Variants in ANO2 observed in about 807,000 individuals in gnomAD.
ANO2 encodes the protein anoctamin-2.
A neutral mutation model predicts 124.2 loss-of-function variants in ANO2; 101 were observed. The observed-to-expected ratio is 0.81, with a 90% CI of 0.69 to 0.96. The LOEUF (loss-of-function observed/expected upper bound fraction) is 0.96. Among genes scored for constraint, ANO2 ranks in the 40% least tolerant of loss-of-function variants. The pLI, the probability that ANO2 is intolerant of heterozygous loss-of-function variation, is 0.00. For missense variants in ANO2, 1,293 were observed against 1,274.5 expected, an observed-to-expected ratio of 1.01 and a Z score of -0.22; for synonymous variants, 486 against 482.5, an observed-to-expected ratio of 1.01 and a Z score of -0.09.
At chr12:5,804,897 G>A (rs1953144480) in intron 9 of ANO2, among the ~76,000 whole-genome samples, 1 of 152,008 alleles carries the variant, frequency 6.6e-6, no homozygotes, top group South Asian at 2.1e-4. Flanking sequence ...GGCAATGGAT[G>A]GTGATCACCA....
chr12:5,666,090 T>C (rs1947701052), intron 14 of ANO2, among the ~76,000 whole-genome samples: 1 of 152,126 alleles, frequency 6.6e-6, no homozygotes, highest in Non-Finnish European at 1.5e-5. Flanking sequence ...CCCTCTGGAA[T>C]CCTGGACATG....
At chr12:5,887,534 G>A (rs773580138) in intron 3 of ANO2, among the ~76,000 whole-genome samples, 40 of 152,156 alleles carry the variant, frequency 2.6e-4, no homozygotes, top group Non-Finnish European at 4.1e-4. Flanking sequence ...GCTAGCCCTG[G>A]GAGGCTCAAC....
intron 14 of ANO2, among the ~76,000 whole-genome samples, chr12:5,701,285 C>T (rs369735431): frequency 4.6e-5 from 7 of 151,990 alleles, no homozygotes; most frequent in African/African-American, 1.7e-4. Context: ...GCTATTTGTC[C>T]AGGATATCAC....
intron 14 of ANO2, among the ~76,000 whole-genome samples, chr12:5,697,817 C>T (rs185516940): frequency 6.6e-6 from 1 of 152,228 alleles, no homozygotes; most frequent in African/African-American, 2.4e-5. Flanking sequence ...TATCCCGCAC[C>T]TGGCTCGGAG....
At chr12:5,789,657 A>G (rs1040531304) in intron 10 of ANO2, among the ~76,000 whole-genome samples, 7 of 152,228 alleles carry the variant, frequency 4.6e-5, no homozygotes, top group African/African-American at 1.7e-4. Context: ...ACTAGAAGAC[A>G]GCAGTCTCCC....
At chr12:5,673,919 G>C (rs1448076376) in intron 14 of ANO2, among the ~76,000 whole-genome samples, 1 of 152,180 alleles carries the variant, frequency 6.6e-6, no homozygotes, top group African/African-American at 2.4e-5. Flanking sequence ...GAGGTCAAGA[G>C]ACAGGGCAAG....
At chr12:5,656,254 T>G (rs1947148562) in intron 14 of ANO2, among the ~76,000 whole-genome samples, 1 of 152,214 alleles carries the variant, frequency 6.6e-6, no homozygotes, top group Admixed American at 6.5e-5. Context: ...CCCAGATCTC[T>G]CTGTTAAGCT....
chr12:5,771,107 A>G (rs1339057853), intron 10 of ANO2, among the ~76,000 whole-genome samples: 1 of 152,202 alleles, frequency 6.6e-6, no homozygotes, highest in Non-Finnish European at 1.5e-5. Flanking sequence ...GAGAGCAGAG[A>G]CTTGTTCTGC....
chr12:5,857,809 GAT>G (rs1955151060), intron 3 of ANO2, among the ~76,000 whole-genome samples: 1 of 150,456 alleles, frequency 6.6e-6, no homozygotes, highest in African/African-American at 2.5e-5. Context: ...TAGATAGATA[GAT>G]AGATAGATGC....
At chr12:5,718,105 T>C (rs900992173) in intron 14 of ANO2, among the ~76,000 whole-genome samples, 2 of 152,198 alleles carry the variant, frequency 1.3e-5, no homozygotes, top group Non-Finnish European at 1.5e-5. Context: ...ATGGAATAAA[T>C]AAAAAGCCAA....
chr12:5,867,576 A>C (rs796833654), intron 3 of ANO2, among the ~76,000 whole-genome samples: 4 of 152,260 alleles, frequency 2.6e-5, no homozygotes, highest in African/African-American at 9.6e-5. Flanking sequence ...CATCTGTCCG[A>C]CCTGACATAG....
chr12:5,888,178 G>A (rs1366215196), intron 3 of ANO2, among the ~76,000 whole-genome samples: 1 of 152,090 alleles, frequency 6.6e-6, no homozygotes, highest in African/African-American at 2.4e-5. Flanking sequence ...GAGTGAAGCT[G>A]CAGACCTTCG....
chr12:5,884,256 T>C (rs1027320493), intron 3 of ANO2, among the ~76,000 whole-genome samples: 1 of 152,210 alleles, frequency 6.6e-6, no homozygotes, highest in Admixed American at 6.5e-5. Flanking sequence ...GAGAAGAGGA[T>C]GAAATTACTA....
chr12:5,838,366 G>A (rs1254820755), intron 4 of ANO2, among the ~76,000 whole-genome samples: 2 of 152,170 alleles, frequency 1.3e-5, no homozygotes, highest in Non-Finnish European at 2.9e-5. Context: ...GCATAGCCCT[G>A]AACAAGACCC....
At chr12:5,627,821 G>A (rs868195014) in intron 16 of ANO2, among the ~76,000 whole-genome samples, 5 of 152,214 alleles carry the variant, frequency 3.3e-5, no homozygotes, top group South Asian at 2.1e-4. Context: ...GGCCAGGCAC[G>A]CTGGCTCACA....
At chr12:5,614,970 C>T (rs1944726169) in intron 17 of ANO2, among the ~76,000 whole-genome samples, 1 of 152,200 alleles carries the variant, frequency 6.6e-6, no homozygotes, top group Non-Finnish European at 1.5e-5. Flanking sequence ...ACAGCCAAAT[C>T]CCTGTAAAGT....
intron 3 of ANO2, among the ~76,000 whole-genome samples, chr12:5,863,164 T>C (rs903556820): frequency 2.7e-4 from 41 of 152,140 alleles, no homozygotes; most frequent in African/African-American, 9.7e-4. Context: ...ATGTCTTTTT[T>C]AGCAGCGTGA....
rs1954918377 is a variant in ANO2 at position 5,851,764 on chromosome 12, A to G, written c.633+2279T>C. Among the ~76,000 whole-genome samples the G allele has an allele frequency of 2.6e-5, 4 of 152,104 alleles. No homozygotes were observed. In the South Asian group the frequency reaches 8.3e-4, roughly 32 times the overall value. On this transcript the variant is annotated intron_variant, in intron 4 of 24. Transcript: ENST00000682330. The stretch of plus-strand genomic sequence containing the variant: ...GAGAGAGAGGCTAAGAGGAGGCATC[A>G]GAGGTGGGGGGTGGAAGGAAGAGAG...
intron 10 of ANO2, 66 bp downstream of exon 10, chr12:5,799,441 T>A (rs1262322443): frequency 7.2e-7 from 1 of 1,391,132 alleles, no homozygotes; most frequent in African/African-American, 1.4e-5. Flanking sequence ...AGTCAAAAGG[T>A]TTATGATACA....
Sources: gnomAD v4.1 joint callset for allele counts (sites outside exome capture counted in the v4.1 genomes callset) on GRCh38, gnomAD v4.1.1 for gene constraint, MANE v1.5 for transcripts, NCBI Gene and HGNC (gene_info 2026-07-23, HGNC 2026-07-21) for gene names.